The following DDX31 variants were observed in gnomAD, a reference collection of about 807,000 sequenced individuals.
DDX31 encodes the protein ATP-dependent DNA helicase DDX31.
Under a neutral mutation model 91.3 loss-of-function variants are expected in DDX31, and 70 were observed. The observed-to-expected ratio is 0.77, with a 90% CI of 0.63 to 0.94. DDX31 has a LOEUF of 0.94. DDX31 is among the 40% of genes least tolerant of loss of function. The pLI, the probability that DDX31 is intolerant of heterozygous loss-of-function variation, is 0.00. For synonymous variants in DDX31, 362 were observed against 350.6 expected, an observed-to-expected ratio of 1.03 and a Z score of -0.36; for missense variants, 902 against 925.0, an observed-to-expected ratio of 0.98 and a Z score of 0.32.
At chr9:132,665,929 A>G (rs373461880) in intron 1 of DDX31, among the ~76,000 whole-genome samples, 2 of 152,232 alleles carry the variant, frequency 1.3e-5, no homozygotes, top group South Asian at 4.1e-4. Context: ...TCATGATTCT[A>G]CATTCTAGAG....
intron 14 of DDX31, among the ~76,000 whole-genome samples, chr9:132,641,239 T>C (rs1018054577): frequency 6.6e-6 from 1 of 152,224 alleles, no homozygotes; most frequent in African/African-American, 2.4e-5. Flanking sequence ...TCAAACAGCT[T>C]AGTATCTTTG....
intron 6 of DDX31, 29 bp downstream of exon 6, chr9:132,658,642 A>G (rs758830732): frequency 6.2e-7 from 1 of 1,603,418 alleles, no homozygotes; most frequent in Non-Finnish European, 8.5e-7. Flanking sequence ...CACTATGAGC[A>G]ATGACAGAAA....
chr9:132,612,111 T>C lies in DDX31; in HGVS notation c.1970A>G (p.Lys657Arg), dbSNP rs751797661. 6.2e-7 allele frequency: 1 copy of C among 1,614,088 alleles called. No homozygotes were observed. Among genetic ancestry groups the C allele is most frequent in the South Asian group, 1.1e-5 (1 of 91,080 alleles). ...CCTTTTCACGTGTGCTTTCCTCTTC[T>C]TTCTAGTCAAGGCACTAAGATTCCT... ...APRNLSALTR[K>R]KRKAHVKRPD... The change falls in exon 19 of 20, where the codon AAG becomes AGG. Residue 657 changes from lysine to arginine, a missense_variant. By Grantham distance (26) the Lys-to-Arg change is conservative. Coordinates refer to ENST00000372159, the MANE Select transcript of DDX31 (RefSeq NM_022779.9).
At chr9:132,659,385 T>C (rs571303994) in intron 5 of DDX31, among the ~76,000 whole-genome samples, 1 of 152,284 alleles carries the variant, frequency 6.6e-6, no homozygotes, top group South Asian at 2.1e-4. Context: ...ACTCTGTGTT[T>C]AACACCAGAA....
chr9:132,647,404 A>G (rs1312424649), intron 11 of DDX31, among the ~76,000 whole-genome samples: 1 of 152,124 alleles, frequency 6.6e-6, no homozygotes, highest in East Asian at 1.9e-4. Context: ...CGTTTTTGCT[A>G]TAAGCAGCCC....
At chr9:132,603,569 ATC>A (rs1045781579) in intron 19 of DDX31, among the ~76,000 whole-genome samples, 3 of 152,092 alleles carry the variant, frequency 2.0e-5, no homozygotes, top group African/African-American at 7.2e-5. Context: ...TTCTTTCTTG[ATC>A]TCTCAAATGA....
chr9:132,650,542 A>C (rs1834122440), intron 8 of DDX31, among the ~76,000 whole-genome samples: 1 of 152,220 alleles, frequency 6.6e-6, no homozygotes, highest in Non-Finnish European at 1.5e-5. Flanking sequence ...GAGCTTCTTA[A>C]ATCATTCAAG....
At chr9:132,652,571 C>G in intron 6 of DDX31, 79 bp from the exon 7 acceptor site, 2 of 1,555,446 alleles carry the variant, frequency 1.3e-6, no homozygotes, top group Non-Finnish European at 1.8e-6. Flanking sequence ...CAGGGGTGGC[C>G]GGTTGTAGAA....
In DDX31 at chr9:132,594,443, G is replaced by A. The variant is rs1830332089; in HGVS notation, c.*423C>T. ...TAACACCCTAATTCACAAAATTCAT[G>A]CCAATGTATGCGCTGATAGGCTGAA... On this transcript the variant is annotated 3_prime_UTR_variant, in exon 20 of 20. Transcript: ENST00000372159. 6.3e-6 allele frequency: 1 copy of A among 159,254 alleles called. No homozygotes were observed. Among genetic ancestry groups the A allele is most frequent in the Non-Finnish European group, 1.4e-5 (1 of 72,586 alleles). 9.9% of individuals were successfully genotyped at this position (159,254 alleles called of 1,614,324 possible). A position where few individuals can be genotyped will look rare whatever the true frequency, so the allele number is the denominator to read the frequency against.
chr9:132,607,333 G>A (rs145218027), intron 19 of DDX31, among the ~76,000 whole-genome samples: 83 of 152,338 alleles, frequency 5.4e-4, no homozygotes, highest in African/African-American at 1.8e-3. Flanking sequence ...TAACATTTGG[G>A]CTAGGCTGAC....
intron 6 of DDX31, among the ~76,000 whole-genome samples, chr9:132,656,036 G>A (rs1052949661): frequency 6.6e-6 from 1 of 152,040 alleles, no homozygotes; most frequent in Non-Finnish European, 1.5e-5. Flanking sequence ...ACTACATAGA[G>A]AAGAAGAAAG....
chr9:132,666,697 T>C (rs1026808591), intron 1 of DDX31, among the ~76,000 whole-genome samples: 15 of 150,552 alleles, frequency 1.0e-4, no homozygotes, highest in Admixed American at 8.0e-4. Flanking sequence ...ATTTTTGTGT[T>C]TGTTTTTTGT....
At chr9:132,633,742 C>T (rs1027646988) in intron 14 of DDX31, among the ~76,000 whole-genome samples, 1 of 152,098 alleles carries the variant, frequency 6.6e-6, no homozygotes, top group Non-Finnish European at 1.5e-5. Flanking sequence ...ATGGAAGCTA[C>T]ACTTCCTTTA....
chr9:132,637,562 C>T (rs1049354804), intron 14 of DDX31, among the ~76,000 whole-genome samples: 20 of 152,340 alleles, frequency 1.3e-4, no homozygotes, highest in African/African-American at 4.8e-4. Context: ...AGGGACGCAG[C>T]ACACTCGCCT....
At chr9:132,635,770 C>T (rs1833074442) in intron 14 of DDX31, among the ~76,000 whole-genome samples, 1 of 151,562 alleles carries the variant, frequency 6.6e-6, no homozygotes, top group Admixed American at 6.6e-5. Flanking sequence ...ACATGGTGAA[C>T]CCCATCTCTA....
chr9:132,655,368 G>A (rs1029518078), intron 6 of DDX31, among the ~76,000 whole-genome samples: 1 of 152,106 alleles, frequency 6.6e-6, no homozygotes, highest in African/African-American at 2.4e-5. Flanking sequence ...AGAAACCAAA[G>A]CAAGGCACAG....
chr9:132,652,311 G>T, intron 7 of DDX31, 137 bp downstream of exon 7: 1 of 927,740 alleles, frequency 1.1e-6, no homozygotes, highest in Non-Finnish European at 1.6e-6. Flanking sequence ...GAACCAGAAG[G>T]ATGGTTTCCA....
intron 17 of DDX31, among the ~76,000 whole-genome samples, chr9:132,620,366 G>C (rs1235099110): frequency 6.6e-6 from 1 of 150,902 alleles, no homozygotes; most frequent in Non-Finnish European, 1.5e-5. Context: ...ATTACAAAGG[G>C]CTTTTCTTAT....
intron 14 of DDX31, 37 bp downstream of exon 14, chr9:132,641,967 G>A (rs973052479): frequency 1.3e-6 from 2 of 1,591,372 alleles, no homozygotes; most frequent in Non-Finnish European, 1.7e-6. Flanking sequence ...TCACAGAAAT[G>A]TATCAGCCTT....
Sources: gnomAD v4.1 joint callset for allele counts (sites outside exome capture counted in the v4.1 genomes callset) on GRCh38, gnomAD v4.1.1 for gene constraint, MANE v1.5 for transcripts, NCBI Gene and HGNC (gene_info 2026-07-23, HGNC 2026-07-21) for gene names.